ZNF101: variants seen among roughly 807,000 people sequenced by gnomAD.
ZNF101 encodes the protein zinc finger protein 101 (Y2).
Under a neutral mutation model 42.6 loss-of-function variants are expected in ZNF101, and 34 were observed. The ratio of observed to expected loss-of-function variants is 0.80; its 90% CI spans 0.61 to 1.06. ZNF101 has a LOEUF of 1.06. Among genes scored for constraint, ZNF101 ranks in the 50% least tolerant of loss-of-function variants. The pLI, the probability that ZNF101 is intolerant of heterozygous loss-of-function variation, is 0.00. For missense variants in ZNF101, 466 were observed against 530.9 expected, an observed-to-expected ratio of 0.88 and a Z score of 1.20; for synonymous variants, 158 against 183.9, an observed-to-expected ratio of 0.86 and a Z score of 1.14.
intron 1 of ZNF101, among the ~76,000 whole-genome samples, chr19:19,675,118 C>G (rs191424569): frequency 6.6e-6 from 1 of 151,274 alleles, no homozygotes; most frequent in East Asian, 2.0e-4. Flanking sequence ...CCGCGCCCAG[C>G]CAATTTATTA....
intron 1 of ZNF101, chr19:19,676,112 G>A (rs147141615): frequency 0.016 from 2,383 of 152,170 alleles, 30 homozygotes; most frequent in Non-Finnish European, 0.026. Flanking sequence ...GAATTCCTGG[G>A]CTCAAGCAAT....
At chr19:19,669,215 C>A (rs541941510) in intron 1 of ZNF101, among the ~76,000 whole-genome samples, 10 of 152,332 alleles carry the variant, frequency 6.6e-5, no homozygotes, top group African/African-American at 2.4e-4. Flanking sequence ...CTCCCCAGAT[C>A]GTGCGGGGGC....
intron 1 of ZNF101, chr19:19,676,593 T>C (rs997442696): frequency 6.6e-6 from 1 of 152,022 alleles, no homozygotes; most frequent in East Asian, 1.9e-4. Flanking sequence ...GGTGGGAGGT[T>C]TGGAAAAGTA....
rs769990299 is a variant in ZNF101 at position 19,680,121 on chromosome 19, T to C, written c.1132T>C (p.Cys378Arg). The C allele has an allele frequency of 6.2e-7, 1 of 1,613,740 alleles. No individual in the cohort carries two copies. The highest frequency in any genetic ancestry group is 8.5e-7 in the Non-Finnish European group (1 of 1,179,940). ...CTRCGKAFGWCSSLRRHEMTH... is the reference protein window; with the variant it reads ...CTRCGKAFGWRSSLRRHEMTH... The stretch of plus-strand genomic sequence containing the variant: ...AAGGTGTGGTAAAGCCTTTGGGTGG[T>C]GCAGTTCCCTCCGAAGACATGAAAT... The change falls in exon 4 of 4, where the codon TGC (cysteine) becomes CGC (arginine). Residue 378 changes from cysteine to arginine, a missense_variant. Transcript: ENST00000592502.
rs2062214088 is a variant in ZNF101, at chr19:19,678,130, C to G, written c.130+140C>G. 30 of 1,262,576 alleles carry G rather than the reference C, an allele frequency of 2.4e-5. No individual in the cohort carries two copies. In the South Asian group the frequency reaches 3.9e-4, roughly 17 times the overall value. 78.2% of individuals were successfully genotyped at this position (1,262,576 alleles called of 1,614,324 possible). On this transcript the variant is annotated intron_variant, in intron 2 of 3. Transcript: ENST00000592502. ...TCGTGGGCCAGGTACAGTGGCTTAC[C>G]CTTGTAATCCTAGTGCTTTGGGAAG...
At position 19,680,135 on chromosome 19, in the gene ZNF101, AAG is replaced by A. The variant is rs1397475304; in HGVS notation, c.1148_1149del (p.Arg383ThrfsTer2). Reference protein sequence around the residue: ...KAFGWCSSLRRHEMTHTGEKP... With the variant: ...KAFGWCSSLRXHEMTHTGEKP... ...CCTTTGGGTGGTGCAGTTCCCTCCG[AAG>A]ACATGAAATGACTCACACTGGAGAA... is the stretch of plus-strand genomic sequence containing the variant. On this transcript the variant is annotated frameshift_variant, in exon 4 of 4. Coordinates refer to ENST00000592502, the MANE Select transcript of ZNF101 (RefSeq NM_033204.4). LOFTEE classifies it high-confidence loss of function. 1.2e-6 allele frequency: 2 copies of A among 1,613,584 alleles called. No homozygotes were observed. Among genetic ancestry groups the A allele is most frequent in the Non-Finnish European group, 1.7e-6 (2 of 1,179,926 alleles).
At chr19:19,674,467 C>T (rs781667434) in intron 1 of ZNF101, among the ~76,000 whole-genome samples, 2 of 152,178 alleles carry the variant, frequency 1.3e-5, no homozygotes, top group African/African-American at 4.8e-5. Flanking sequence ...TGAGCCACCG[C>T]ACCCAGCCCC....
intron 1 of ZNF101, chr19:19,677,349 A>G (rs2062208329): frequency 6.6e-6 from 1 of 152,628 alleles, no homozygotes; most frequent in East Asian, 1.9e-4. Flanking sequence ...CAGAAGGAAA[A>G]CAGTTCAGTC....
At chr19:19,670,921 CG>C (rs1196414691) in intron 1 of ZNF101, among the ~76,000 whole-genome samples, 2 of 152,130 alleles carry the variant, frequency 1.3e-5, no homozygotes, top group African/African-American at 4.8e-5. Flanking sequence ...CTGGCTAACA[CG>C]GGGAAACCCC....
In ZNF101 at chr19:19,680,193, GTCTTTACTTTT is replaced by G. The variant is rs2062231417; in HGVS notation, c.1207_1217del (p.Phe403LysfsTer4). 1.2e-6 allele frequency: 2 copies of G among 1,601,408 alleles called. No individual in the cohort carries two copies. The highest frequency in any genetic ancestry group is 3.5e-5 in the Admixed American group (2 of 56,512). On this transcript the variant is annotated frameshift_variant, in exon 4 of 4. Coordinates refer to ENST00000592502, the MANE Select transcript of ZNF101 (RefSeq NM_033204.4). LOFTEE classifies it high-confidence loss of function. The stretch of plus-strand genomic sequence containing the variant: ...CTTTGATTGTAAACAGTGTGGTAAA[GTCTTTACTTTT>G]TCAAATTACCTTAGACTTCATGAAA...
At chr19:19,678,576 C>T (rs1020797065) in intron 2 of ZNF101, 150 bp from the exon 3 acceptor site, 5 of 619,910 alleles carry the variant, frequency 8.1e-6, no homozygotes, top group Admixed American at 6.6e-5. Flanking sequence ...GATTGCATCA[C>T]TGCACTCCAG....
intron 1 of ZNF101, among the ~76,000 whole-genome samples, chr19:19,671,657 G>A (rs1174592690): frequency 6.6e-6 from 1 of 151,910 alleles, no homozygotes; most frequent in Non-Finnish European, 1.5e-5. Flanking sequence ...CCGCCATTAC[G>A]CCCGGCTAAT....
intron 1 of ZNF101, chr19:19,672,160 G>A (rs2062174715): frequency 6.8e-6 from 1 of 148,076 alleles, no homozygotes. Context: ...TTTTATGTAT[G>A]ATTATATATA....
chr19:19,668,712 G>A, upstream of ZNF101: 2 of 476,236 alleles, frequency 4.2e-6, no homozygotes, highest in South Asian at 3.3e-5. Flanking sequence ...TGTCGCTCAA[G>A]CCCCAGGGGC....
rs1246560749 is a variant in ZNF101 at position 19,681,206 on chromosome 19, T to A, written c.*906T>A. The A allele has an allele frequency of 5.3e-5, 8 of 152,154 alleles. No individual in the cohort carries two copies. Among genetic ancestry groups the A allele is most frequent in the Admixed American group, 5.2e-4 (8 of 15,252 alleles). 9.4% of individuals were successfully genotyped at this position (152,154 alleles called of 1,614,324 possible). A position where few individuals can be genotyped will look rare whatever the true frequency, so the allele number is the denominator to read the frequency against. On this transcript the variant is annotated 3_prime_UTR_variant, in exon 4 of 4. Coordinates refer to ENST00000592502, the MANE Select transcript of ZNF101 (RefSeq NM_033204.4). ...GGAATACATTCAGTTTCCAAAGATA[T>A]GAAAAGACTAACTGGAAAAAAATCC...
Position 19,679,520 on chromosome 19 carries a change from C to G in ZNF101, c.531C>G (p.Ala177=). 2 of 1,614,140 alleles carry G rather than the reference C, an allele frequency of 1.2e-6. No homozygotes were observed. Among genetic ancestry groups the G allele is most frequent in the Non-Finnish European group, 1.7e-6 (2 of 1,180,028 alleles). ...RPYECKVCGK[A]FNSPNLFQIH... ...ATGAATGCAAGGTGTGCGGGAAAGC[C>G]TTTAATTCTCCCAATTTATTTCAAA... Residue 177 remains alanine, a synonymous_variant, in exon 4 of 4, where the codon GCC becomes GCG. Transcript: ENST00000592502.
chr19:19,677,065 T>A (rs2062206913), intron 1 of ZNF101: 1 of 152,258 alleles, frequency 6.6e-6, no homozygotes, highest in Non-Finnish European at 1.5e-5. Flanking sequence ...ACAGAAATTT[T>A]AAAATTCTTC....
chr19:19,674,488 A>G (rs969702162), intron 1 of ZNF101, among the ~76,000 whole-genome samples: 1 of 151,942 alleles, frequency 6.6e-6, no homozygotes, highest in Non-Finnish European at 1.5e-5. Flanking sequence ...ATTGTTTTTC[A>G]TATTTGAACC....
chr19:19,673,687 CTTT>C (rs573395742), intron 1 of ZNF101, among the ~76,000 whole-genome samples: 1,683 of 82,666 alleles, frequency 0.02, 1 homozygote, highest in South Asian at 0.048. Flanking sequence ...GCGTTCAATT[CTTT>C]TTTTTTTTTT....
Sources: gnomAD v4.1 joint callset for allele counts (sites outside exome capture counted in the v4.1 genomes callset) on GRCh38, gnomAD v4.1.1 for gene constraint, MANE v1.5 for transcripts, NCBI Gene and HGNC (gene_info 2026-07-23, HGNC 2026-07-21) for gene names.